The following TUB variants were observed in gnomAD, a reference collection of about 807,000 sequenced individuals.
TUB encodes tubby protein homolog.
TUB carries 33 observed loss-of-function variants against 59.7 expected under a neutral mutation model. The ratio of observed to expected loss-of-function variants is 0.55; its 90% CI spans 0.42 to 0.74. The LOEUF (loss-of-function observed/expected upper bound fraction) is 0.74, where lower values mean the gene tolerates loss of function less well. Among genes scored for constraint, TUB ranks in the 30% least tolerant of loss-of-function variants. The pLI is 0.00. For synonymous variants in TUB, 293 were observed against 256.4 expected (o/e 1.14, Z -1.36); for missense variants, 659 against 672.0 (o/e 0.98, Z 0.21).
intron 11 of TUB, 56 bp downstream of exon 11, chr11:8,101,053 G>T (rs181436597): frequency 8.8e-6 from 14 of 1,597,524 alleles, no homozygotes; most frequent in Non-Finnish European, 1.1e-5. Context: ...GGCCCTTAGC[G>T]TAGGGTTCAG....
intron 1 of TUB, among the ~76,000 whole-genome samples, chr11:8,026,900 A>G (rs1432562915): frequency 1.3e-5 from 2 of 152,144 alleles, no homozygotes; most frequent in Non-Finnish European, 2.9e-5. Flanking sequence ...CATGGTATCT[A>G]TATATTTATA....
At position 8,081,222 on chromosome 11, in the gene TUB, G is replaced by T; in HGVS notation, c.-289G>T. On this transcript the variant is annotated 5_prime_UTR_variant, in exon 1 of 12. Coordinates refer to ENST00000299506, the MANE Select transcript of TUB (RefSeq NM_177972.3). ...CGCTGCCACGCAGTACTCCCGCCTT[G>T]GCGCCAGAGGGGCGCGGGACGGTGC... 3.7e-6 allele frequency: 1 copy of T among 268,386 alleles called. No homozygotes were observed. The highest frequency in any genetic ancestry group is 5.7e-6 in the Non-Finnish European group (1 of 174,596). The allele number at this position is 268,386 out of a possible 1,614,324, so 16.6% of individuals were successfully genotyped here.
At chr11:8,046,722 A>G (rs1004454200) in intron 2 of TUB, among the ~76,000 whole-genome samples, 1 of 152,052 alleles carries the variant, frequency 6.6e-6, no homozygotes, top group Non-Finnish European at 1.5e-5. Context: ...ACTCCAAGCC[A>G]TGGGCCACAC....
chr11:8,099,987 G>A (rs1944195602), intron 9 of TUB, among the ~76,000 whole-genome samples: 1 of 152,200 alleles, frequency 6.6e-6, no homozygotes, highest in Non-Finnish European at 1.5e-5. Context: ...AGCCACTGGA[G>A]AGTTCTGAGC....
intron 9 of TUB, among the ~76,000 whole-genome samples, chr11:8,100,088 A>G (rs1195387384): frequency 1.3e-5 from 2 of 152,190 alleles, no homozygotes; most frequent in Non-Finnish European, 2.9e-5. Flanking sequence ...AGGGCCAACA[A>G]CAGAAACCAG....
Position 8,093,940 on chromosome 11 carries a change from C to T in TUB, c.254-106C>T, listed in dbSNP as rs561854783. ...GTGGTACAGGGGCCCTGGTGGGACT[C>T]GGGGTGCAGTCAAAAATGCTGTGCT... is the stretch of plus-strand genomic sequence containing the variant. On this transcript the variant is annotated intron_variant, in intron 3 of 11. Transcript: ENST00000299506. 1.3e-4 allele frequency: 172 copies of T among 1,358,842 alleles called. 1 individual carries two copies. The African/African-American group carries it at 2.0e-3, about 16-fold the overall frequency. The allele number at this position is 1,358,842 out of a possible 1,614,324, so 84.2% of individuals were successfully genotyped here. A position where few individuals can be genotyped will look rare whatever the true frequency, so the allele number is the denominator to read the frequency against.
chr11:8,025,423 G>A (rs1261308950), intron 1 of TUB, among the ~76,000 whole-genome samples: 2 of 152,198 alleles, frequency 1.3e-5, no homozygotes, highest in African/African-American at 4.8e-5. Flanking sequence ...TGTGCCTAGT[G>A]TGTTTGGGAA....
At chr11:8,070,595 A>G (rs1452423332) in intron 2 of TUB, among the ~76,000 whole-genome samples, 1 of 152,202 alleles carries the variant, frequency 6.6e-6, no homozygotes, top group East Asian at 1.9e-4. Context: ...CTAACATAGT[A>G]GACTAATAAC....
chr11:8,089,715 G>A, intron 2 of TUB, 54 bp downstream of exon 2: 2 of 1,602,624 alleles, frequency 1.2e-6, no homozygotes, highest in Middle Eastern at 1.7e-4. Flanking sequence ...GGATCTCTGA[G>A]GGCAGAGGGG....
upstream of TUB, chr11:8,077,455 T>C (rs371693657): frequency 2.0e-5 from 3 of 152,260 alleles, no homozygotes; most frequent in Admixed American, 6.5e-5. Flanking sequence ...ATTGGGCATG[T>C]ACTCTCATGT....
At chr11:8,052,652 T>G (rs1368723040) in intron 2 of TUB, among the ~76,000 whole-genome samples, 1 of 152,070 alleles carries the variant, frequency 6.6e-6, no homozygotes, top group African/African-American at 2.4e-5. Context: ...TGTTTTTGTA[T>G]TTTTAGTAGA....
Position 8,100,594 on chromosome 11 carries a change from C to T in TUB, c.1208C>T (p.Pro403Leu). ...GTTCATGAGAGAGTCTCTATCCGCC[C>T]CCGCAACGTGAGTGTCTACCCCTTC... ...NMVHERVSIR[P>L]RNEHETLLAR... The change falls in exon 10 of 12, where the codon CCC becomes CTC. Residue 403 changes from proline to leucine, a missense_variant. By Grantham distance (98) the Pro-to-Leu change is moderately conservative. Around this residue, in one of 3 missense-constraint regions of TUB, gnomAD observed 226 missense variants for 210.8 expected, o/e 1.07. Coordinates refer to ENST00000299506, the MANE Select transcript of TUB (RefSeq NM_177972.3). 6.2e-7 allele frequency: 1 copy of T among 1,613,888 alleles called. No individual in the cohort carries two copies. The highest frequency in any genetic ancestry group is 8.5e-7 in the Non-Finnish European group (1 of 1,179,896).
At chr11:8,081,960 T>C (rs1027932006) in intron 1 of TUB, among the ~76,000 whole-genome samples, 1 of 152,226 alleles carries the variant, frequency 6.6e-6, no homozygotes, top group Non-Finnish European at 1.5e-5. Flanking sequence ...ACGCTCCTGC[T>C]GGTCGGTTCA....
At chr11:8,077,005 A>T (rs2133805665), upstream of TUB, 1 of 152,282 alleles carries the variant, frequency 6.6e-6, no homozygotes, top group South Asian at 2.1e-4. Context: ...AGAGGGCTTT[A>T]TCTGGCCACC....
chr11:8,022,031 G>A (rs1471518941), intron 1 of TUB, among the ~76,000 whole-genome samples: 1 of 152,036 alleles, frequency 6.6e-6, no homozygotes, highest in African/African-American at 2.4e-5. Context: ...CTCAGTACCT[G>A]GGGAGCTATG....
intron 2 of TUB, among the ~76,000 whole-genome samples, chr11:8,058,781 C>T (rs893295693): frequency 2.0e-5 from 3 of 152,170 alleles, no homozygotes; most frequent in Admixed American, 1.3e-4. Context: ...TCATTGCAAC[C>T]GTAGGTTGGC....
intron 2 of TUB, chr11:8,067,291 G>T (rs1247341028): frequency 6.6e-6 from 1 of 152,218 alleles, no homozygotes; most frequent in Non-Finnish European, 1.5e-5. Flanking sequence ...CACCCACAGG[G>T]AGTCCTGCAG....
intron 3 of TUB, among the ~76,000 whole-genome samples, chr11:8,092,625 C>A (rs371175073): frequency 6.6e-6 from 1 of 152,144 alleles, no homozygotes; most frequent in Non-Finnish European, 1.5e-5. Context: ...TGGGCCTCCA[C>A]GACCTTTTTC....
chr11:8,060,811 C>A (rs1943109827), intron 2 of TUB, among the ~76,000 whole-genome samples: 2 of 152,208 alleles, frequency 1.3e-5, no homozygotes, highest in African/African-American at 4.8e-5. Flanking sequence ...TGAATCCTTG[C>A]CAACATAGAA....
Sources: allele counts gnomAD v4.1 joint callset (sites outside exome capture counted in the v4.1 genomes callset), GRCh38; gene constraint gnomAD v4.1.1; regional missense constraint gnomAD v4.1.1; transcripts MANE v1.5; gene names NCBI Gene and HGNC (gene_info 2026-07-23, HGNC 2026-07-21).